Variants in ARID1B observed in about 807,000 individuals in gnomAD.
The protein encoded by ARID1B is AT-rich interactive domain-containing protein 1B.
Under a neutral mutation model 212.3 loss-of-function variants are expected in ARID1B, and 30 were observed. That is an observed-to-expected ratio of 0.14 (90% CI 0.11 to 0.19). ARID1B has a LOEUF of 0.19. Ranked by LOEUF, ARID1B falls within the 10% of genes least tolerant of loss-of-function variation. The probability of loss-of-function intolerance (pLI) is 1.00; values close to 1 mark genes in which losing one functional copy is unlikely to be tolerated. For synonymous variants in ARID1B, 1,402 were observed against 1,301.7 expected, an observed-to-expected ratio of 1.08 and a Z score of -1.66; for missense variants, 2,891 against 3,204.0, an observed-to-expected ratio of 0.90 and a Z score of 2.36.
intron 5 of ARID1B, among the ~76,000 whole-genome samples, chr6:157,086,297 T>C (rs1259344496): frequency 1.3e-5 from 2 of 152,246 alleles, no homozygotes; most frequent in African/African-American, 4.8e-5. Flanking sequence ...TTCGATGTTA[T>C]CTTTCTTTCA....
At chr6:157,084,141 C>A (rs999804735) in intron 4 of ARID1B, among the ~76,000 whole-genome samples, 8 of 148,832 alleles carry the variant, frequency 5.4e-5, no homozygotes, top group Non-Finnish European at 9.0e-5. Flanking sequence ...TCACCTCCCC[C>A]CCAAAAAAAA....
intron 1 of ARID1B, among the ~76,000 whole-genome samples, chr6:156,820,403 G>T (rs1355812349): frequency 6.6e-6 from 1 of 152,158 alleles, no homozygotes; most frequent in African/African-American, 2.4e-5. Flanking sequence ...TAAGTGCTAG[G>T]TATGCAAAGA....
intron 6 of ARID1B, among the ~76,000 whole-genome samples, chr6:157,124,957 A>T (rs1788039006): frequency 6.6e-6 from 1 of 152,164 alleles, no homozygotes. Context: ...CTAGAACCTG[A>T]GAATGCAGAT....
At position 157,084,693 on chromosome 6, in the gene ARID1B, C is replaced by A. The variant is rs373508866; in HGVS notation, c.2279C>A (p.Thr760Lys). ...DLSGSIDDLP[T>K]GTEATLSSAV... ...TCTGGCTCCATTGATGACCTCCCCACGGGAACGGAAGCAACTTTGAGCTCA... is the reference window on the plus strand; with the variant it reads ...TCTGGCTCCATTGATGACCTCCCCAAGGGAACGGAAGCAACTTTGAGCTCA... Residue 760 changes from threonine to lysine, a missense_variant, in exon 5 of 20, where the codon ACG (threonine) becomes AAG (lysine). Physicochemically the swap from Thr to Lys is moderately conservative, Grantham distance 78. Coordinates refer to ENST00000636930, the MANE Select transcript of ARID1B (RefSeq NM_001374828.1). 6.2e-7 allele frequency: 1 copy of A among 1,614,154 alleles called. No individual in the cohort carries two copies. The highest frequency in any genetic ancestry group is 8.5e-7 in the Non-Finnish European group (1 of 1,180,020).
chr6:157,159,135 G>A (rs139458078), intron 8 of ARID1B, among the ~76,000 whole-genome samples: 4,261 of 152,258 alleles, frequency 0.028, 82 homozygotes, highest in Non-Finnish European at 0.038. Flanking sequence ...CATGTGCTGG[G>A]GATCAGCAGG....
At chr6:157,138,200 T>TTTGGTTGGTTGGTTGGTTGG (rs147835417) in intron 7 of ARID1B, among the ~76,000 whole-genome samples, 98 of 149,088 alleles carry the variant, frequency 6.6e-4, no homozygotes, top group South Asian at 1.1e-3. Context: ...AACCTCCATC[T>TTTGGTTGGTTGGTTGGTTGG]TTGGTTGGTT....
chr6:157,047,387 G>C (rs1390920913), intron 4 of ARID1B, among the ~76,000 whole-genome samples: 1 of 152,156 alleles, frequency 6.6e-6, no homozygotes, highest in Non-Finnish European at 1.5e-5. Flanking sequence ...ATAATCAGAG[G>C]AGTTCTTGGT....
At chr6:157,056,135 C>T (rs1249745104) in intron 4 of ARID1B, among the ~76,000 whole-genome samples, 2 of 152,186 alleles carry the variant, frequency 1.3e-5, no homozygotes, top group South Asian at 2.1e-4. Flanking sequence ...GTCATCTCCA[C>T]ACCGCCCCCA....
rs138097895 is a variant in ARID1B at position 157,152,025 on chromosome 6, A to T, written c.3089+3074A>T. 1.8e-4 allele frequency: 27 copies of T among 152,356 alleles called. No homozygotes were observed. In the East Asian group the frequency reaches 4.4e-3, roughly 25 times the overall value. The allele number at this position is 152,356 out of a possible 1,614,324, so 9.4% of individuals were successfully genotyped here. On this transcript the variant is annotated intron_variant, in intron 8 of 19. Coordinates refer to ENST00000636930, the MANE Select transcript of ARID1B (RefSeq NM_001374828.1). ...GAAATAACAAATATAGAATGAGGTA[A>T]ACATGGTTATTCTTGGGAAATTGGC...
At chr6:156,968,881 T>C (rs926232567) in intron 4 of ARID1B, among the ~76,000 whole-genome samples, 3 of 152,240 alleles carry the variant, frequency 2.0e-5, no homozygotes, top group Non-Finnish European at 4.4e-5. Context: ...ATGGTTACTC[T>C]GGCTTGAGGT....
Position 157,210,300 on chromosome 6 carries a change from T to G in ARID1B, c.*2409T>G, listed in dbSNP as rs1448214343. On this transcript the variant is annotated 3_prime_UTR_variant, in exon 20 of 20. Transcript: ENST00000636930. ...AGATTTGTAAGAGGGAATTCAATAT[T>G]ATTCTAATTTCTCTCTTACAGAGTA... The G allele has an allele frequency of 8.7e-6, 2 of 230,736 alleles. No homozygotes were observed. The highest frequency in any genetic ancestry group is 4.4e-5 in the African/African-American group (2 of 45,206). 14.3% of individuals were successfully genotyped at this position (230,736 alleles called of 1,614,324 possible).
intron 4 of ARID1B, chr6:156,939,589 T>C (rs1792511205): frequency 6.6e-6 from 1 of 152,300 alleles, no homozygotes; most frequent in Non-Finnish European, 1.5e-5. Flanking sequence ...TTTTAATTGC[T>C]AAGGGATCTG....
intron 3 of ARID1B, among the ~76,000 whole-genome samples, chr6:156,903,504 G>A (rs1789116588): frequency 6.6e-6 from 1 of 152,180 alleles, no homozygotes. Context: ...AGACATTTGA[G>A]TGGCCTAATC....
At chr6:156,948,284 A>AG (rs1793313024) in intron 4 of ARID1B, among the ~76,000 whole-genome samples, 1 of 152,174 alleles carries the variant, frequency 6.6e-6, no homozygotes, top group Admixed American at 6.5e-5. Context: ...CTGGAGTGCA[A>AG]GGGCATGATC....
intron 4 of ARID1B, among the ~76,000 whole-genome samples, chr6:157,052,068 A>G (rs1469090517): frequency 6.6e-6 from 1 of 152,204 alleles, no homozygotes; most frequent in Non-Finnish European, 1.5e-5. Context: ...CCTTCTATAT[A>G]TTGTGGGCTT....
chr6:157,070,523 C>A (rs901593568), intron 4 of ARID1B, among the ~76,000 whole-genome samples: 1 of 152,142 alleles, frequency 6.6e-6, no homozygotes, highest in African/African-American at 2.4e-5. Context: ...CATATGTCAG[C>A]ATCAGTTTAG....
rs532857305 is a variant in ARID1B at position 156,827,754 on chromosome 6, CTTTTTTTTTTTTTTTT to C, written c.1792-1459_1792-1444del. On this transcript the variant is annotated intron_variant, in intron 1 of 19. Coordinates refer to ENST00000636930, the MANE Select transcript of ARID1B (RefSeq NM_001374828.1). ...GTTATTCCCCTTTATCCTGGTAATT[CTTTTTTTTTTTTTTTT>C]TTTTTTTTTTTTTGAGATGGAGTCT... 1.9e-4 allele frequency among the ~76,000 whole-genome samples: 13 copies of C among 68,454 alleles called. No homozygotes were observed. The South Asian group carries it at 6.5e-3, about 34-fold the overall frequency. The allele number at this position is 68,454 out of a possible 152,430, so 44.9% of individuals were successfully genotyped here.
At chr6:156,944,511 C>G (rs1792914324) in intron 4 of ARID1B, among the ~76,000 whole-genome samples, 1 of 152,160 alleles carries the variant, frequency 6.6e-6, no homozygotes, top group Non-Finnish European at 1.5e-5. Flanking sequence ...GAAAAAACTT[C>G]ATGGGAAAGG....
At chr6:156,880,291 G>A (rs960643641) in intron 2 of ARID1B, among the ~76,000 whole-genome samples, 6 of 152,178 alleles carry the variant, frequency 3.9e-5, no homozygotes, top group Admixed American at 1.3e-4. Flanking sequence ...AAAATAGCGA[G>A]AATGTTTCAT....
Sources: allele counts gnomAD v4.1 joint callset (sites outside exome capture counted in the v4.1 genomes callset), GRCh38; gene constraint gnomAD v4.1.1; transcripts MANE v1.5; gene names NCBI Gene and HGNC (gene_info 2026-07-23, HGNC 2026-07-21).